Variants in PLA2G4A observed in about 807,000 individuals in gnomAD.
The protein encoded by PLA2G4A is phospholipase A2 group IVA.
In PLA2G4A, 40 loss-of-function variants were observed where a neutral mutation model predicts 81.9. The ratio of observed to expected loss-of-function variants is 0.49; its 90% CI spans 0.38 to 0.64. The LOEUF is 0.64. Ranked by LOEUF, PLA2G4A falls within the 30% of genes least tolerant of loss-of-function variation. The pLI, the probability that PLA2G4A is intolerant of heterozygous loss-of-function variation, is 0.00. For synonymous variants in PLA2G4A, 302 were observed against 296.9 expected, an observed-to-expected ratio of 1.02 and a Z score of -0.18; for missense variants, 715 against 905.1, an observed-to-expected ratio of 0.79 and a Z score of 2.69.
intron 3 of PLA2G4A, among the ~76,000 whole-genome samples, chr1:186,872,385 G>A (rs898778719): frequency 2.0e-5 from 3 of 152,108 alleles, no homozygotes; most frequent in Admixed American, 2.0e-4. Flanking sequence ...GCCACGCTGT[G>A]TGTTGGAAAA....
intron 2 of PLA2G4A, among the ~76,000 whole-genome samples, chr1:186,859,640 A>C (rs1176047042): frequency 2.0e-5 from 3 of 152,184 alleles, no homozygotes; most frequent in Non-Finnish European, 4.4e-5. Flanking sequence ...GCTTTCAAAA[A>C]TATAATTGTA....
At chr1:186,949,554 TTGA>T (rs1656476899) in intron 12 of PLA2G4A, among the ~76,000 whole-genome samples, 1 of 152,140 alleles carries the variant, frequency 6.6e-6, no homozygotes, top group East Asian at 1.9e-4. Context: ...AAAATTACTA[TTGA>T]TGATAGCCAT....
At chr1:186,846,661 C>G (rs1182595274) in intron 1 of PLA2G4A, among the ~76,000 whole-genome samples, 2 of 152,094 alleles carry the variant, frequency 1.3e-5, no homozygotes, top group African/African-American at 4.8e-5. Context: ...ACAACCTCTA[C>G]TTTTTTATTA....
intron 1 of PLA2G4A, among the ~76,000 whole-genome samples, chr1:186,836,311 ATTG>A (rs1299170359): frequency 1.3e-5 from 2 of 151,018 alleles, no homozygotes; most frequent in East Asian, 1.9e-4. Flanking sequence ...AATAATATTG[ATTG>A]TTATTATATA....
chr1:186,907,513 A>G (rs1307786044), intron 6 of PLA2G4A, among the ~76,000 whole-genome samples: 1 of 152,232 alleles, frequency 6.6e-6, no homozygotes, highest in Non-Finnish European at 1.5e-5. Context: ...ACTGAACGTT[A>G]GGGAATCATG....
intron 3 of PLA2G4A, 162 bp downstream of exon 3, chr1:186,870,678 G>T: frequency 7.0e-7 from 1 of 1,425,054 alleles, no homozygotes; most frequent in South Asian, 1.2e-5. Flanking sequence ...GATGCTATCT[G>T]TCAGATTAGC....
intron 1 of PLA2G4A, among the ~76,000 whole-genome samples, chr1:186,850,128 T>G (rs562006831): frequency 1.8e-4 from 28 of 152,268 alleles, no homozygotes; most frequent in Middle Eastern, 3.4e-3. Context: ...TTACCAGCAT[T>G]TAAACAAAAG....
intron 1 of PLA2G4A, among the ~76,000 whole-genome samples, chr1:186,830,999 TTTCTTTCTTTCTTTC>T (rs1651560738): frequency 2.1e-5 from 3 of 141,810 alleles, no homozygotes; most frequent in African/African-American, 7.8e-5. Context: ...TCTTTCTTTC[TTTCTTTCTTTCTTTC>T]TTTCTTTTTC....
chr1:186,895,993 TATATA>T (rs1373716020), intron 5 of PLA2G4A, among the ~76,000 whole-genome samples: 2 of 151,314 alleles, frequency 1.3e-5, no homozygotes, highest in African/African-American at 2.4e-5. Flanking sequence ...CATATGATAA[TATATA>T]ATATAATGTA....
intron 3 of PLA2G4A, among the ~76,000 whole-genome samples, chr1:186,877,774 G>A (rs1653560228): frequency 6.8e-6 from 1 of 147,120 alleles, no homozygotes; most frequent in Non-Finnish European, 1.5e-5. Context: ...AAGATCTCAG[G>A]GAATATTGGA....
chr1:186,966,230 G>A (rs2102277481), intron 15 of PLA2G4A, among the ~76,000 whole-genome samples: 1 of 152,120 alleles, frequency 6.6e-6, no homozygotes, highest in East Asian at 1.9e-4. Context: ...GTGGGTGGTT[G>A]GGGGTGGGTT....
intron 14 of PLA2G4A, among the ~76,000 whole-genome samples, chr1:186,963,325 T>C (rs879544489): frequency 3.3e-5 from 5 of 152,230 alleles, no homozygotes; most frequent in Non-Finnish European, 5.9e-5. Flanking sequence ...TATAGTTCAG[T>C]CTTACATCGT....
intron 2 of PLA2G4A, among the ~76,000 whole-genome samples, chr1:186,865,153 T>G (rs1476170910): frequency 6.6e-6 from 1 of 150,548 alleles, no homozygotes; most frequent in African/African-American, 2.4e-5. Context: ...GTGCAGGTGA[T>G]AAATTTCTTG....
At chr1:186,959,349 A>AAAAAC (rs201130430) in intron 14 of PLA2G4A, among the ~76,000 whole-genome samples, 6 of 10,630 alleles carry the variant, frequency 5.6e-4, no homozygotes, top group African/African-American at 5.3e-3. Flanking sequence ...ATAAGGAAAT[A>AAAAAC]TATCATCCCC....
At chr1:186,834,281 T>C (rs1489398536) in intron 1 of PLA2G4A, among the ~76,000 whole-genome samples, 1 of 152,192 alleles carries the variant, frequency 6.6e-6, no homozygotes, top group Non-Finnish European at 1.5e-5. Flanking sequence ...GGATTGGTTA[T>C]GAACTTTGTT....
At chr1:186,898,388 T>C (rs559289279) in intron 5 of PLA2G4A, among the ~76,000 whole-genome samples, 1 of 152,308 alleles carries the variant, frequency 6.6e-6, no homozygotes, top group South Asian at 2.1e-4. Flanking sequence ...ATTGATTTAC[T>C]TGAGAAGTTT....
At chr1:186,877,170 T>A (rs1337214997) in intron 3 of PLA2G4A, among the ~76,000 whole-genome samples, 2 of 152,008 alleles carry the variant, frequency 1.3e-5, no homozygotes, top group African/African-American at 4.8e-5. Flanking sequence ...GATCAGAAGC[T>A]CCAGGAAAGA....
intron 5 of PLA2G4A, among the ~76,000 whole-genome samples, chr1:186,903,619 G>A (rs963285766): frequency 6.6e-6 from 1 of 152,114 alleles, no homozygotes; most frequent in African/African-American, 2.4e-5. Context: ...GAACCCTATT[G>A]TGAACTACAA....
intron 1 of PLA2G4A, among the ~76,000 whole-genome samples, chr1:186,834,564 T>TATCCATAATATGAG (rs1651712404): frequency 1.3e-5 from 2 of 152,164 alleles, no homozygotes; most frequent in Admixed American, 6.5e-5. Context: ...TGGTGCGTGT[T>TATCCATAATATGAG]TCCATAATAA....
Sources: allele counts gnomAD v4.1 joint callset (sites outside exome capture counted in the v4.1 genomes callset), GRCh38; gene constraint gnomAD v4.1.1; transcripts MANE v1.5; gene names NCBI Gene and HGNC (gene_info 2026-07-23, HGNC 2026-07-21).